Variants in COL19A1 observed in about 807,000 individuals in gnomAD.
COL19A1 encodes collagen type XIX alpha 1 chain.
Under a neutral mutation model 190.2 loss-of-function variants are expected in COL19A1, and 159 were observed. The observed-to-expected ratio is 0.84, with a 90% confidence interval of 0.73 to 0.95. COL19A1 has a LOEUF of 0.95. Among genes scored for constraint, COL19A1 ranks in the 40% least tolerant of loss-of-function variants. COL19A1 has a pLI of 0.00. For missense variants in COL19A1, 1,418 were observed against 1,431.9 expected, an observed-to-expected ratio of 0.99 and a Z score of 0.16; for synonymous variants, 509 against 458.9, an observed-to-expected ratio of 1.11 and a Z score of -1.39.
chr6:69,885,254 T>G (rs558486952), intron 2 of COL19A1, among the ~76,000 whole-genome samples: 1 of 152,346 alleles, frequency 6.6e-6, no homozygotes, highest in African/African-American at 2.4e-5. Context: ...TGATAGTTAT[T>G]AACATCTTAG....
At chr6:69,975,255 A>C (rs1343611266) in intron 11 of COL19A1, among the ~76,000 whole-genome samples, 1 of 152,170 alleles carries the variant, frequency 6.6e-6, no homozygotes, top group African/African-American at 2.4e-5. Context: ...CATAACCTTC[A>C]TCTTGTAATG....
chr6:70,089,272 G>A (rs3806020), intron 15 of COL19A1, among the ~76,000 whole-genome samples: 7,701 of 152,160 alleles, frequency 0.051, 256 homozygotes, highest in Non-Finnish European at 0.075. Flanking sequence ...TGGTTTGTCA[G>A]CCATGATCCA....
rs1180105827 is a variant in COL19A1, at chr6:69,915,074, C to T, written c.267-12835C>T. Among the ~76,000 whole-genome samples, 3 of 152,186 alleles carry T rather than the reference C, an allele frequency of 2.0e-5. No individual in the cohort carries two copies. In the South Asian group the frequency reaches 6.2e-4, roughly 32 times the overall value. ...CCTTTCCTTTTTGTATATTTGAAAC[C>T]GAACTGTTACTACACAGAGACGTAA... On this transcript the variant is annotated intron_variant, in intron 4 of 50. Transcript: ENST00000620364.
chr6:70,178,625 G>T (rs1765964681), intron 42 of COL19A1, among the ~76,000 whole-genome samples: 2 of 152,106 alleles, frequency 1.3e-5, no homozygotes, highest in African/African-American at 4.8e-5. Flanking sequence ...GTAAACTTTA[G>T]GTTATGTATA....
intron 1 of COL19A1, among the ~76,000 whole-genome samples, chr6:69,872,511 A>C (rs1172050607): frequency 6.6e-6 from 1 of 152,224 alleles, no homozygotes; most frequent in African/African-American, 2.4e-5. Context: ...AACTTAAAAA[A>C]ATCTATATCC....
intron 11 of COL19A1, among the ~76,000 whole-genome samples, chr6:69,999,401 G>A (rs1436987857): frequency 6.6e-6 from 1 of 152,018 alleles, no homozygotes; most frequent in Non-Finnish European, 1.5e-5. Context: ...AGATGTCATG[G>A]TGCATGCCTG....
At chr6:69,895,926 C>T (rs1037472281) in intron 2 of COL19A1, among the ~76,000 whole-genome samples, 2 of 150,346 alleles carry the variant, frequency 1.3e-5, no homozygotes, top group Non-Finnish European at 3.0e-5. Context: ...GTAACGCTGC[C>T]ATTAATATTC....
At chr6:70,023,131 C>CTTT (rs1419955153) in intron 11 of COL19A1, among the ~76,000 whole-genome samples, 1 of 142,228 alleles carries the variant, frequency 7.0e-6, no homozygotes, top group Admixed American at 7.1e-5. Flanking sequence ...TTTTATGCAG[C>CTTT]TATTTTTTTT....
chr6:70,137,815 A>C, intron 19 of COL19A1, 68 bp downstream of exon 19: 2 of 1,482,616 alleles, frequency 1.3e-6, no homozygotes, highest in East Asian at 4.5e-5. Context: ...ACGTTTCCAA[A>C]TCAGCCCCAA....
intron 4 of COL19A1, among the ~76,000 whole-genome samples, chr6:69,918,257 C>A (rs1349394952): frequency 6.6e-6 from 1 of 152,156 alleles, no homozygotes; most frequent in African/African-American, 2.4e-5. Flanking sequence ...CTGCTATGTG[C>A]AGGCCAGACT....
chr6:70,097,180 C>T (rs979478558), intron 15 of COL19A1, among the ~76,000 whole-genome samples: 1 of 152,080 alleles, frequency 6.6e-6, no homozygotes, highest in Non-Finnish European at 1.5e-5. Flanking sequence ...TAAATGTTCT[C>T]TCACACTGCA....
intron 11 of COL19A1, among the ~76,000 whole-genome samples, chr6:69,968,715 A>C (rs1257393373): frequency 2.0e-5 from 3 of 152,190 alleles, no homozygotes; most frequent in Non-Finnish European, 4.4e-5. Flanking sequence ...AATTACATGC[A>C]GGACATGAGA....
rs773127949 is a variant in COL19A1 at position 70,102,150 on chromosome 6, A to G, written c.1225-19A>G. The G allele has an allele frequency of 2.5e-6, 4 of 1,604,782 alleles. No homozygotes were observed. Among genetic ancestry groups the G allele is most frequent in the Admixed American group, 3.3e-5 (2 of 59,920 alleles). ...AATGGAGTCACAGTATTTATCATCT[A>G]TTCTTCTTTGGTTTCAAGGGAAGAC... On this transcript the variant is annotated intron_variant, in intron 15 of 50. Transcript: ENST00000620364.
intron 12 of COL19A1, among the ~76,000 whole-genome samples, chr6:70,026,106 AGAGGAG>A (rs1361083880): frequency 6.6e-6 from 1 of 152,236 alleles, no homozygotes; most frequent in Admixed American, 6.5e-5. Flanking sequence ...TGAAATAGAA[AGAGGAG>A]TTTTTGAAAT....
chr6:70,148,381 G>C (rs1197294758), intron 27 of COL19A1, among the ~76,000 whole-genome samples: 8 of 151,960 alleles, frequency 5.3e-5, no homozygotes. Context: ...ATTAGAACAG[G>C]ACTTTATGTT....
rs185191544 is a variant in COL19A1 at position 70,174,809 on chromosome 6, A to G, written c.2623-1711A>G. On this transcript the variant is annotated intron_variant, in intron 41 of 50. Coordinates refer to ENST00000620364, the MANE Select transcript of COL19A1 (RefSeq NM_001858.6). The stretch of plus-strand genomic sequence containing the variant: ...GGAGAGGCCATTGAGGGAGTGAAAG[A>G]TAACAAATTTGTACCATCAATGGAT... Among the ~76,000 whole-genome samples the G allele has an allele frequency of 2.0e-3, 304 of 152,312 alleles. 3 individuals are homozygous for G. Among genetic ancestry groups the G allele is most frequent in the African/African-American group, 6.8e-3 (283 of 41,558 alleles).
Position 70,121,876 on chromosome 6 carries a change from A to G in COL19A1, c.1279-4A>G, listed in dbSNP as rs201512671. The stretch of plus-strand genomic sequence containing the variant: ...TATTTGTCTTTGATTTGTTTATAAT[A>G]CAGGGACCTCCTGGAATACAAGGAA... On this transcript the variant is annotated splice_region_variant and splice_polypyrimidine_tract_variant and intron_variant, in intron 16 of 50. Coordinates refer to ENST00000620364, the MANE Select transcript of COL19A1 (RefSeq NM_001858.6). 43 of 1,570,136 alleles carry G rather than the reference A, an allele frequency of 2.7e-5. 1 individual carries two copies. The Middle Eastern group carries it at 1.3e-3, about 47-fold the overall frequency.
chr6:70,168,586 A>G, intron 39 of COL19A1, 69 bp from the exon 40 acceptor site: 1 of 1,517,178 alleles, frequency 6.6e-7, no homozygotes, highest in Non-Finnish European at 9.1e-7. Flanking sequence ...AAATTGGACA[A>G]CAGTGTTTCT....
At chr6:70,174,638 G>A (rs1386665846) in intron 41 of COL19A1, among the ~76,000 whole-genome samples, 1 of 152,134 alleles carries the variant, frequency 6.6e-6, no homozygotes, top group Non-Finnish European at 1.5e-5. Flanking sequence ...ACACAGAATA[G>A]GAGGGGAGTT....
Sources: gnomAD v4.1 joint callset for allele counts (sites outside exome capture counted in the v4.1 genomes callset) on GRCh38, gnomAD v4.1.1 for gene constraint, MANE v1.5 for transcripts, NCBI Gene and HGNC (gene_info 2026-07-23, HGNC 2026-07-21) for gene names.